CDH6: variants seen among roughly 807,000 people sequenced by gnomAD.
The protein encoded by CDH6 is cadherin 6.
A neutral mutation model predicts 78.0 loss-of-function variants in CDH6; 31 were observed. The observed-to-expected ratio is 0.40, with a 90% confidence interval of 0.30 to 0.54. The LOEUF is 0.54. CDH6 is among the 20% of genes least tolerant of loss of function. The pLI, the probability that CDH6 is intolerant of heterozygous loss-of-function variation, is 0.56. For synonymous variants in CDH6, 376 were observed against 368.8 expected (o/e 1.02, Z -0.23); for missense variants, 724 against 975.9 (o/e 0.74, Z 3.44).
At chr5:31,227,488 G>A (rs1255229674) in intron 1 of CDH6, among the ~76,000 whole-genome samples, 1 of 152,066 alleles carries the variant, frequency 6.6e-6, no homozygotes, top group Non-Finnish European at 1.5e-5. Flanking sequence ...TAGTTTTTGG[G>A]AGTTCAGAAG....
intron 7 of CDH6, 84 bp from the exon 8 acceptor site, chr5:31,313,234 G>A: frequency 8.0e-7 from 1 of 1,253,310 alleles, no homozygotes; most frequent in Non-Finnish European, 1.1e-6. Flanking sequence ...GATATGATGT[G>A]TACCAGATGT....
intron 2 of CDH6, among the ~76,000 whole-genome samples, chr5:31,290,433 A>G (rs2149945347): frequency 6.6e-6 from 1 of 152,354 alleles, no homozygotes; most frequent in Admixed American, 6.5e-5. Context: ...GTTAAAAGTG[A>G]ACCAGATGAT....
At chr5:31,240,842 T>C (rs968616435) in intron 1 of CDH6, among the ~76,000 whole-genome samples, 5 of 152,168 alleles carry the variant, frequency 3.3e-5, no homozygotes, top group African/African-American at 1.2e-4. Flanking sequence ...CTCTCTTCCA[T>C]TGCTACATTG....
At chr5:31,298,997 A>G (rs936075463) in intron 4 of CDH6, among the ~76,000 whole-genome samples, 1 of 152,164 alleles carries the variant, frequency 6.6e-6, no homozygotes, top group African/African-American at 2.4e-5. Flanking sequence ...TAATTAGCTA[A>G]TCCATAATGG....
At chr5:31,319,480 A>C (rs543676760) in intron 11 of CDH6, among the ~76,000 whole-genome samples, 1 of 152,370 alleles carries the variant, frequency 6.6e-6, no homozygotes, top group East Asian at 1.9e-4. Context: ...GTGTATAATT[A>C]TCTGTACCTT....
intron 8 of CDH6, among the ~76,000 whole-genome samples, chr5:31,315,254 T>C (rs559593248): frequency 1.3e-5 from 2 of 152,194 alleles, no homozygotes; most frequent in Non-Finnish European, 2.9e-5. Context: ...AGTTTATGGT[T>C]TGTCCATCCC....
At chr5:31,321,666 A>G (rs1405267584) in intron 11 of CDH6, among the ~76,000 whole-genome samples, 3 of 152,162 alleles carry the variant, frequency 2.0e-5, no homozygotes, top group Non-Finnish European at 4.4e-5. Flanking sequence ...TACATCTATT[A>G]TTATATAGGT....
intron 2 of CDH6, among the ~76,000 whole-genome samples, chr5:31,272,915 T>A (rs544083518): frequency 9.2e-5 from 14 of 152,332 alleles, no homozygotes; most frequent in East Asian, 3.9e-4. Context: ...TGTATTTTTT[T>A]AAAAACATTA....
chr5:31,242,701 T>TG (rs147969887), intron 1 of CDH6, among the ~76,000 whole-genome samples: 18,399 of 139,272 alleles, frequency 0.13, 2,770 homozygotes, highest in African/African-American at 0.4. Context: ...AGAATAAGAA[T>TG]GGGGGGGGGC....
intron 1 of CDH6, among the ~76,000 whole-genome samples, chr5:31,216,966 G>A (rs1740883542): frequency 6.6e-6 from 1 of 152,064 alleles, no homozygotes; most frequent in South Asian, 2.1e-4. Flanking sequence ...GCTCATGTGT[G>A]GTTTTAGGGT....
At chr5:31,320,808 G>A (rs1292290760) in intron 11 of CDH6, among the ~76,000 whole-genome samples, 1 of 151,824 alleles carries the variant, frequency 6.6e-6, no homozygotes, top group East Asian at 1.9e-4. Flanking sequence ...GTGAAACCTC[G>A]TCTCTACTAA....
At chr5:31,319,105 T>TAA (rs1738406711) in intron 11 of CDH6, 1 of 181,248 alleles carries the variant, frequency 5.5e-6, no homozygotes, top group African/African-American at 2.4e-5. Flanking sequence ...ATGAATGTTC[T>TAA]TTTTGATCAA....
At chr5:31,242,929 A>G (rs1439370811) in intron 1 of CDH6, among the ~76,000 whole-genome samples, 1 of 151,908 alleles carries the variant, frequency 6.6e-6, no homozygotes, top group Non-Finnish European at 1.5e-5. Context: ...GAGCAGTCAC[A>G]AAAAAATAAG....
At chr5:31,288,972 TC>T (rs1448938645) in intron 2 of CDH6, among the ~76,000 whole-genome samples, 2 of 152,128 alleles carry the variant, frequency 1.3e-5, no homozygotes, top group African/African-American at 4.8e-5. Context: ...GAGAGGGGGT[TC>T]TTTTATTTAA....
chr5:31,220,706 G>C (rs1484263849), intron 1 of CDH6, among the ~76,000 whole-genome samples: 1 of 152,100 alleles, frequency 6.6e-6, no homozygotes, highest in Non-Finnish European at 1.5e-5. Context: ...ATCACTGAGG[G>C]GGCATATTCT....
intron 1 of CDH6, among the ~76,000 whole-genome samples, chr5:31,216,134 T>C (rs1740856183): frequency 6.9e-6 from 1 of 145,406 alleles, no homozygotes; most frequent in African/African-American, 2.4e-5. Flanking sequence ...AAAATACATC[T>C]GACTTTTTTT....
At chr5:31,241,163 T>C (rs1741592348) in intron 1 of CDH6, among the ~76,000 whole-genome samples, 1 of 152,220 alleles carries the variant, frequency 6.6e-6, no homozygotes, top group Non-Finnish European at 1.5e-5. Flanking sequence ...TTACTGGTCA[T>C]GGCGTCTCTC....
intron 1 of CDH6, 72 bp from the exon 2 acceptor site, chr5:31,267,274 C>T (rs1742388349): frequency 5.8e-6 from 3 of 516,854 alleles, no homozygotes; most frequent in African/African-American, 1.9e-5. Flanking sequence ...CCTCTTTTTT[C>T]CCAGCCTATT....
chr5:31,199,476 A>G (rs868402712), intron 1 of CDH6, among the ~76,000 whole-genome samples: 68 of 92,756 alleles, frequency 7.3e-4, no homozygotes, highest in East Asian at 2.3e-3. Flanking sequence ...ACACACACAT[A>G]TGTGTATATA....
Sources: gnomAD v4.1 joint callset for allele counts (sites outside exome capture counted in the v4.1 genomes callset) on GRCh38, gnomAD v4.1.1 for gene constraint, MANE v1.5 for transcripts, NCBI Gene and HGNC (gene_info 2026-07-23, HGNC 2026-07-21) for gene names.